HS6ST2: variants seen among roughly 807,000 people sequenced by gnomAD.
The protein encoded by HS6ST2 is heparan-sulfate 6-O-sulfotransferase 2.
HS6ST2 carries 17 observed loss-of-function variants against 33.0 expected under a neutral mutation model. The observed-to-expected ratio is 0.52, with a 90% CI of 0.35 to 0.77. HS6ST2 has a LOEUF of 0.77. Ranked by LOEUF, HS6ST2 falls within the 30% of genes least tolerant of loss-of-function variation. HS6ST2 has a pLI of 0.01. For synonymous variants in HS6ST2, 248 were observed against 237.1 expected, an observed-to-expected ratio of 1.05 and a Z score of -0.42; for missense variants, 519 against 551.7, an observed-to-expected ratio of 0.94 and a Z score of 0.59.
chrX:132,861,947 G>A (rs2065915666), intron 2 of HS6ST2, among the ~76,000 whole-genome samples: 1 of 111,564 alleles, frequency 9.0e-6, no homozygotes, highest in African/African-American at 3.3e-5. Flanking sequence ...TGGAACAGAT[G>A]GTTTCTTAAA....
chrX:132,844,904 C>T (rs1257530075), intron 2 of HS6ST2, among the ~76,000 whole-genome samples: 1 of 109,651 alleles, frequency 9.1e-6, no homozygotes, highest in African/African-American at 3.3e-5. Flanking sequence ...GAGCACCATA[C>T]GTCGTGCTAG....
At chrX:132,849,242 C>T (rs1040663176) in intron 2 of HS6ST2, among the ~76,000 whole-genome samples, 1 of 110,877 alleles carries the variant, frequency 9.0e-6, no homozygotes, top group Non-Finnish European at 1.9e-5. Context: ...TCCAGTCCCC[C>T]CAATGGCAAT....
At chrX:132,815,272 TAAC>T (rs1211553477) in intron 2 of HS6ST2, among the ~76,000 whole-genome samples, 6 of 112,601 alleles carry the variant, frequency 5.3e-5, no homozygotes, top group South Asian at 3.7e-4. Flanking sequence ...GAAATAATAA[TAAC>T]AATCATTTTA....
Position 132,670,497 on chromosome X carries a change from G to C in HS6ST2, c.981-1298C>G, listed in dbSNP as rs1340732332. Among the ~76,000 whole-genome samples, 3 of 111,650 alleles carry C rather than the reference G, an allele frequency of 2.7e-5. No individual in the cohort carries two copies. The Admixed American group carries it at 2.9e-4, about 11-fold the overall frequency. ...AGTCAGAGAGATAGCAACTGTCCAA[G>C]CACTTAAGAGTCAGTGTCTAGGCTG... On this transcript the variant is annotated intron_variant, in intron 3 of 4. Coordinates refer to ENST00000370833, the MANE Select transcript of HS6ST2 (RefSeq NM_001394073.1).
chrX:132,956,411 C>A (rs1422557568), intron 2 of HS6ST2, among the ~76,000 whole-genome samples: 2 of 110,994 alleles, frequency 1.8e-5, no homozygotes, highest in Admixed American at 9.4e-5. Flanking sequence ...AAGGAGACTT[C>A]GGAACCCGGG....
At chrX:132,796,728 C>T (rs773962926) in intron 2 of HS6ST2, among the ~76,000 whole-genome samples, 16 of 112,065 alleles carry the variant, frequency 1.4e-4, no homozygotes, top group Non-Finnish European at 2.8e-4. Context: ...TACTTTCAAC[C>T]ATTCCCCTCA....
Position 132,640,990 on chromosome X carries a change from G to A in HS6ST2, c.1068-11897C>T, listed in dbSNP as rs1470240398. Reference sequence around the variant, plus strand: ...ATGGATCCCATCACTCAGGTGGTGAGCACAGTTCCCAATTGGTAGTTTTTC... The same window carrying A: ...ATGGATCCCATCACTCAGGTGGTGAACACAGTTCCCAATTGGTAGTTTTTC... On this transcript the variant is annotated intron_variant, in intron 4 of 4. Transcript: ENST00000370833. Among the ~76,000 whole-genome samples the A allele has an allele frequency of 2.7e-5, 3 of 111,765 alleles. No homozygotes were observed. In the East Asian group the frequency reaches 8.4e-4, roughly 31 times the overall value.
At chrX:132,702,513 G>T (rs2064153310) in intron 3 of HS6ST2, among the ~76,000 whole-genome samples, 1 of 112,177 alleles carries the variant, frequency 8.9e-6, no homozygotes, top group Non-Finnish European at 1.9e-5. Flanking sequence ...TAGCTGAAGG[G>T]AGGTTGTCCT....
intron 2 of HS6ST2, among the ~76,000 whole-genome samples, chrX:132,796,819 A>G (rs2065184723): frequency 8.9e-6 from 1 of 112,511 alleles, no homozygotes; most frequent in Non-Finnish European, 1.9e-5. Context: ...CAAGACATGC[A>G]ACGATTTTTG....
At chrX:132,959,513 G>A (rs143836088), upstream of HS6ST2, among the ~76,000 whole-genome samples, 8 of 112,315 alleles carry the variant, frequency 7.1e-5, no homozygotes, top group East Asian at 2.0e-3. Context: ...CCACTGAGTG[G>A]GAGAATGCAG....
At chrX:132,807,349 C>A (rs927219960) in intron 2 of HS6ST2, among the ~76,000 whole-genome samples, 4 of 110,511 alleles carry the variant, frequency 3.6e-5, no homozygotes, top group Non-Finnish European at 7.7e-5. Flanking sequence ...AGAGTTGAAA[C>A]AACTTTCATT....
Position 132,628,786 on chromosome X carries a change from C to T in HS6ST2, c.1375G>A (p.Glu459Lys), listed in dbSNP as rs759017675. The stretch of plus-strand genomic sequence containing the variant: ...TGCTTCAGATTTGACTTGGCACTTT[C>T]CAGAAGGACCTTGTTTCTTTGCTTT... ...PEKQRNKVLL[E>K]SAKSNLKHMA... The change falls in exon 5 of 5, where the codon GAA (glutamate) becomes AAA (lysine). Residue 459 changes from glutamate to lysine, a missense_variant. Glu to Lys is a moderately conservative substitution (Grantham distance 56, BLOSUM62 1). Transcript: ENST00000370833. 7 of 1,210,148 alleles carry T rather than the reference C, an allele frequency of 5.8e-6. No homozygotes were observed. The highest frequency in any genetic ancestry group is 5.2e-5 in the African/African-American group (3 of 57,272).
chrX:132,767,280 G>A lies in HS6ST2; in HGVS notation c.948-58786C>T, dbSNP rs188798625. ...GTCACCCAGGCTGGAGTGCAGTGGC[G>A]TAATCACAGCTCACTGTAGCCTCGA... is the stretch of plus-strand genomic sequence containing the variant. On this transcript the variant is annotated intron_variant, in intron 2 of 4. Transcript: ENST00000370833. Among the ~76,000 whole-genome samples the A allele has an allele frequency of 2.7e-4, 30 of 112,098 alleles. No homozygotes were observed. The East Asian group carries it at 7.7e-3, about 29-fold the overall frequency.
intron 2 of HS6ST2, among the ~76,000 whole-genome samples, chrX:132,820,875 C>T (rs1203965058): frequency 9.1e-6 from 1 of 110,440 alleles, no homozygotes; most frequent in Non-Finnish European, 1.9e-5. Flanking sequence ...ACTCTAACTC[C>T]ACCCCTGTGA....
At chrX:132,829,311 A>G in intron 2 of HS6ST2, among the ~76,000 whole-genome samples, 1 of 105,851 alleles carries the variant, frequency 9.4e-6, no homozygotes, top group East Asian at 2.9e-4. Flanking sequence ...CATATATAAT[A>G]TTAAATATAT....
At chrX:132,807,070 T>G (rs2065290855) in intron 2 of HS6ST2, among the ~76,000 whole-genome samples, 1 of 109,995 alleles carries the variant, frequency 9.1e-6, no homozygotes, top group Non-Finnish European at 1.9e-5. Context: ...GCAAAAGTAT[T>G]TGCGGTTACT....
At chrX:132,926,904 C>T (rs1339317218) in intron 2 of HS6ST2, among the ~76,000 whole-genome samples, 2 of 111,179 alleles carry the variant, frequency 1.8e-5, no homozygotes, top group Admixed American at 9.5e-5. Context: ...GCTTGGGTGA[C>T]GGAGGGGGAC....
chrX:132,947,496 T>A (rs774201488), intron 2 of HS6ST2, among the ~76,000 whole-genome samples: 89 of 111,601 alleles, frequency 8.0e-4, no homozygotes, highest in Non-Finnish European at 1.3e-3. Context: ...AAAAAAAAAC[T>A]GAACTGTTAA....
intron 2 of HS6ST2, among the ~76,000 whole-genome samples, chrX:132,806,822 CTG>C (rs2065288483): frequency 9.1e-6 from 1 of 109,768 alleles, no homozygotes; most frequent in Non-Finnish European, 1.9e-5. Flanking sequence ...TAGAGGAAAA[CTG>C]TGTAGCATCT....
Sources: gnomAD v4.1 joint callset for allele counts (sites outside exome capture counted in the v4.1 genomes callset) on GRCh38, gnomAD v4.1.1 for gene constraint, MANE v1.5 for transcripts, NCBI Gene and HGNC (gene_info 2026-07-23, HGNC 2026-07-21) for gene names.